The following NPNT variants were observed in gnomAD, a reference collection of about 807,000 sequenced individuals.
NPNT encodes preosteoblast EGF-like repeat protein with MAM domain.
In NPNT, 45 loss-of-function variants were observed where a neutral mutation model predicts 68.6. The ratio of observed to expected loss-of-function variants is 0.66; its 90% confidence interval spans 0.52 to 0.84. The LOEUF (loss-of-function observed/expected upper bound fraction) is 0.84, where lower values mean the gene tolerates loss of function less well. NPNT is among the 40% of genes least tolerant of loss of function. The pLI, the probability that NPNT is intolerant of heterozygous loss-of-function variation, is 0.00. For missense variants in NPNT, 672 were observed against 714.8 expected, an observed-to-expected ratio of 0.94 and a Z score of 0.68; for synonymous variants, 233 against 253.3, an observed-to-expected ratio of 0.92 and a Z score of 0.76.
At chr4:105,941,865 A>G (rs943240339) in intron 7 of NPNT, among the ~76,000 whole-genome samples, 1 of 152,186 alleles carries the variant, frequency 6.6e-6, no homozygotes, top group African/African-American at 2.4e-5. Context: ...TCTGAACACA[A>G]TTTTATAATA....
At position 105,967,316 on chromosome 4, in the gene NPNT, C is replaced by T. The variant is rs770541174; in HGVS notation, c.1474C>T (p.Leu492=). 2 of 1,613,792 alleles carry T rather than the reference C, an allele frequency of 1.2e-6. No homozygotes were observed. Among genetic ancestry groups the T allele is most frequent in the Admixed American group, 1.7e-5 (1 of 59,964 alleles). ...CLSFRHKVTG[L]HSGTLQVFVR... ...GTCATTCAGGCACAAGGTGACGGGGCTGCACTCTGGCACACTCCAGGTGTT... is the reference window on the plus strand; with the variant it reads ...GTCATTCAGGCACAAGGTGACGGGGTTGCACTCTGGCACACTCCAGGTGTT... Residue 492 remains leucine (L), a synonymous_variant, in exon 11 of 12, where the codon CTG becomes TTG. Coordinates refer to ENST00000379987, the MANE Select transcript of NPNT (RefSeq NM_001033047.3).
At chr4:105,960,502 C>T (rs559710065) in intron 10 of NPNT, among the ~76,000 whole-genome samples, 21 of 152,304 alleles carry the variant, frequency 1.4e-4, no homozygotes, top group Admixed American at 2.6e-4. Flanking sequence ...ATATTCATTA[C>T]ATCCCCTAAG....
chr4:105,968,936 G>T lies in NPNT; in HGVS notation c.1644G>T (p.Glu548Asp). The stretch of plus-strand genomic sequence containing the variant: ...AAAAAAGGCGTGGTCACACTGGGGA[G>T]ATTGGATTAGATGATGTGAGCTTGA... ...KGEKRRGHTG[E>D]IGLDDVSLKK... Residue 548 changes from glutamate to aspartate, a missense_variant, in exon 12 of 12, where the codon GAG becomes GAT. Transcript: ENST00000379987. 2 of 1,613,534 alleles carry T rather than the reference G, an allele frequency of 1.2e-6. No homozygotes were observed. The highest frequency in any genetic ancestry group is 1.7e-6 in the Non-Finnish European group (2 of 1,179,528).
In NPNT at chr4:105,897,922, A is replaced by G. The variant is rs1578561971; in HGVS notation, c.93A>G (p.Ser31=). ...FDGRWPRQIV[S]SIGLCRYGGR... Reference sequence around the variant, plus strand: ...GTAGGTGGCCCAGGCAAATAGTGTCATCGATTGGCCTATGTCGTTATGGTG... The same window carrying G: ...GTAGGTGGCCCAGGCAAATAGTGTCGTCGATTGGCCTATGTCGTTATGGTG... Residue 31 remains serine, a synonymous_variant, in exon 2 of 12, where the codon TCA becomes TCG. Transcript: ENST00000379987. 2 of 1,613,510 alleles carry G rather than the reference A, an allele frequency of 1.2e-6. No homozygotes were observed. The highest frequency in any genetic ancestry group is 1.3e-5 in the African/African-American group (1 of 74,978).
At chr4:105,946,074 T>C (rs1213818880) in intron 8 of NPNT, among the ~76,000 whole-genome samples, 2 of 152,236 alleles carry the variant, frequency 1.3e-5, no homozygotes, top group East Asian at 1.9e-4. Context: ...CATTTGTCTA[T>C]AGAGTTATAA....
chr4:105,949,478 T>A (rs1412512567), intron 8 of NPNT, among the ~76,000 whole-genome samples: 1 of 152,138 alleles, frequency 6.6e-6, no homozygotes, highest in Admixed American at 6.6e-5. Flanking sequence ...AGAAAGGTGC[T>A]GCACAAACTT....
chr4:105,940,250 G>T (rs756650307), intron 6 of NPNT, 41 bp downstream of exon 6: 2 of 1,599,202 alleles, frequency 1.3e-6, no homozygotes, highest in Admixed American at 3.3e-5. Flanking sequence ...TTTCTTCCTA[G>T]AGCACTGAAA....
At chr4:105,929,546 G>T (rs1728952712) in intron 3 of NPNT, 1 of 152,124 alleles carries the variant, frequency 6.6e-6, no homozygotes, top group South Asian at 2.1e-4. Context: ...AACTCCACTT[G>T]ATTTTTCTTC....
intron 2 of NPNT, chr4:105,902,882 CT>C (rs1726533294): frequency 6.6e-6 from 1 of 152,162 alleles, no homozygotes; most frequent in African/African-American, 2.4e-5. Flanking sequence ...CAGAACTGAT[CT>C]TTATGTAATA....
At chr4:105,963,660 C>A (rs73836936) in intron 10 of NPNT, among the ~76,000 whole-genome samples, 14,174 of 151,372 alleles carry the variant, frequency 0.094, 859 homozygotes, top group African/African-American at 0.17. Flanking sequence ...AGGCCCTTTT[C>A]CTGGAACCTT....
Position 105,958,554 on chromosome 4 carries a change from C to G in NPNT, c.1243C>G (p.Pro415Ala), listed in dbSNP as rs1560540352. 2 of 1,555,774 alleles carry G rather than the reference C, an allele frequency of 1.3e-6. No homozygotes were observed. Among genetic ancestry groups the G allele is most frequent in the South Asian group, 1.1e-5 (1 of 89,084 alleles). ...TGCAGACGATGAAGCAAAGGATGAT[C>G]CAGGTGACACTTACACTCTTAGTGC... ...VSADDEAKDD[P>A]GVLVHSCNFD... The change falls in exon 9 of 12, where the codon CCA becomes GCA. Residue 415 changes from proline (P) to alanine (A), a missense_variant. By Grantham distance (27) the Pro-to-Ala change is conservative (BLOSUM62 -1). Transcript: ENST00000379987.
In NPNT at chr4:105,913,381, G is replaced by A. The variant is rs368154935; in HGVS notation, c.173-13955G>A. ...CTAGTAGAGCTATGGCTTACATTAG[G>A]GAGGCAATGCCAAGGAAAGAATAGA... On this transcript the variant is annotated intron_variant, in intron 2 of 11. Transcript: ENST00000379987. Among the ~76,000 whole-genome samples, 220 of 152,232 alleles carry A rather than the reference G, an allele frequency of 1.4e-3. 1 individual carries two copies. The highest frequency in any genetic ancestry group is 4.7e-3 in the African/African-American group (195 of 41,538).
At chr4:105,939,423 G>A (rs1327420571) in intron 5 of NPNT, among the ~76,000 whole-genome samples, 1 of 152,162 alleles carries the variant, frequency 6.6e-6, no homozygotes, top group Non-Finnish European at 1.5e-5. Context: ...GGTGGTGGCT[G>A]GAGATATAAT....
At chr4:105,897,311 T>C (rs1725938716) in intron 1 of NPNT, among the ~76,000 whole-genome samples, 1 of 152,244 alleles carries the variant, frequency 6.6e-6, no homozygotes, top group South Asian at 2.1e-4. Flanking sequence ...CTTTAAACTC[T>C]CCTTGGTTTT....
intron 2 of NPNT, among the ~76,000 whole-genome samples, chr4:105,921,421 C>A (rs1489665323): frequency 6.6e-6 from 1 of 152,098 alleles, no homozygotes; most frequent in Non-Finnish European, 1.5e-5. Flanking sequence ...TCTCTCCTGC[C>A]TTATATGGAT....
chr4:105,931,488 C>T (rs1286263260), intron 3 of NPNT, among the ~76,000 whole-genome samples: 2 of 151,782 alleles, frequency 1.3e-5, no homozygotes, highest in Non-Finnish European at 2.9e-5. Flanking sequence ...AGGGCTTTAA[C>T]TCTAATATTA....
Position 105,927,407 on chromosome 4 carries a change from G to C in NPNT, c.244G>C (p.Ala82Pro). The C allele has an allele frequency of 3.1e-6, 5 of 1,611,138 alleles. No homozygotes were observed. Among genetic ancestry groups the C allele is most frequent in the Non-Finnish European group, 4.2e-6 (5 of 1,177,752 alleles). Residue 82 changes from alanine to proline, a missense_variant, in exon 3 of 12, where the codon GCT becomes CCT. Transcript: ENST00000379987. ...CAAGTGCAAGTGTCATCCTGGTTAT[G>C]CTGGAAAAACCTGTAATCAAGGTAG... ...PNKCKCHPGY[A>P]GKTCNQDLNE...
At chr4:105,946,681 A>G (rs1730414990) in intron 8 of NPNT, among the ~76,000 whole-genome samples, 1 of 152,164 alleles carries the variant, frequency 6.6e-6, no homozygotes, top group Non-Finnish European at 1.5e-5. Flanking sequence ...GCAAGATCAC[A>G]TGCTTCAAAG....
At chr4:105,938,478 T>C (rs908419869) in intron 5 of NPNT, 58 bp downstream of exon 5, 74 of 1,566,694 alleles carry the variant, frequency 4.7e-5, no homozygotes, top group Non-Finnish European at 6.3e-5. Context: ...AGGGAGAAAG[T>C]GAAAGGTGAT....
Sources: allele counts gnomAD v4.1 joint callset (sites outside exome capture counted in the v4.1 genomes callset), GRCh38; gene constraint gnomAD v4.1.1; transcripts MANE v1.5; gene names NCBI Gene and HGNC (gene_info 2026-07-23, HGNC 2026-07-21).